CCDC33: variants seen among roughly 807,000 people sequenced by gnomAD.
CCDC33 encodes coiled-coil domain-containing protein 33.
Under a neutral mutation model 91.9 loss-of-function variants are expected in CCDC33, and 94 were observed. That is an observed-to-expected ratio of 1.02 (90% confidence interval 0.87 to 1.21). CCDC33 has a LOEUF of 1.21. Among genes scored for constraint, CCDC33 ranks in the 50% most tolerant of loss-of-function variants. The probability of loss-of-function intolerance (pLI) is 0.00; values close to 1 mark genes in which losing one functional copy is unlikely to be tolerated. For missense variants in CCDC33, 940 were observed against 935.5 expected (o/e 1.00, Z -0.06); for synonymous variants, 396 against 374.5 (o/e 1.06, Z -0.66).
At chr15:74,313,694 A>G (rs543404439) in intron 11 of CCDC33, among the ~76,000 whole-genome samples, 1 of 152,280 alleles carries the variant, frequency 6.6e-6, no homozygotes, top group South Asian at 2.1e-4. Flanking sequence ...CCGGAGGGCT[A>G]TGAATGCTGA....
At chr15:74,220,976 G>A (rs910938489) in intron 2 of CCDC33, among the ~76,000 whole-genome samples, 1 of 152,202 alleles carries the variant, frequency 6.6e-6, no homozygotes, top group African/African-American at 2.4e-5. Flanking sequence ...ACAGCAGCAA[G>A]AGTGGGCTGT....
chr15:74,295,502 C>T (rs537215494), intron 10 of CCDC33, among the ~76,000 whole-genome samples: 1 of 152,210 alleles, frequency 6.6e-6, no homozygotes, highest in Non-Finnish European at 1.5e-5. Context: ...TCCCTGAGGA[C>T]CTCCAGGAAG....
intron 10 of CCDC33, among the ~76,000 whole-genome samples, chr15:74,294,153 C>T (rs898041445): frequency 2.2e-4 from 33 of 152,160 alleles, no homozygotes; most frequent in African/African-American, 7.5e-4. Flanking sequence ...TAACTCTGAG[C>T]GCATCTGTAC....
intron 1 of CCDC33, chr15:74,217,605 G>A: frequency 8.3e-7 from 1 of 1,199,838 alleles, no homozygotes; most frequent in Non-Finnish European, 1.1e-6. Flanking sequence ...GTGGGGTTTG[G>A]GGGAGAGAAA....
At chr15:74,331,712 AC>A (rs1222282189) in intron 15 of CCDC33, among the ~76,000 whole-genome samples, 1 of 152,202 alleles carries the variant, frequency 6.6e-6, no homozygotes, top group Non-Finnish European at 1.5e-5. Context: ...TGCAAAGCAA[AC>A]AAACAAAAAT....
intron 11 of CCDC33, among the ~76,000 whole-genome samples, chr15:74,305,633 C>T (rs1000248532): frequency 6.6e-6 from 1 of 152,222 alleles, no homozygotes; most frequent in Non-Finnish European, 1.5e-5. Flanking sequence ...TCCTCAGACC[C>T]CCAGCTGTCT....
chr15:74,209,064 G>C, intron 1 of CCDC33: 3 of 1,220,818 alleles, frequency 2.5e-6, no homozygotes, highest in Middle Eastern at 3.2e-4. Context: ...CCCTTCTCCA[G>C]TCTGGCTCTG....
chr15:74,330,961 T>C lies in CCDC33; in HGVS notation c.1546-20T>C, dbSNP rs2277606. Reference sequence around the variant, plus strand: ...CCCAGGCACCCATTCTCTCCCCTTCTCTCCTCCCCCATCTCACAGAAGAAT... The same window carrying C: ...CCCAGGCACCCATTCTCTCCCCTTCCCTCCTCCCCCATCTCACAGAAGAAT... On this transcript the variant is annotated intron_variant, in intron 13 of 18. Transcript: ENST00000398814. 1,024,410 of 1,565,536 alleles carry C rather than the reference T, an allele frequency of 0.65. 344,047 individuals carry two copies. Among genetic ancestry groups the C allele is most frequent in the Non-Finnish European group, 0.7 (810,472 of 1,155,186 alleles).
At chr15:74,281,525 T>C (rs1201698658) in intron 9 of CCDC33, among the ~76,000 whole-genome samples, 2 of 152,226 alleles carry the variant, frequency 1.3e-5, no homozygotes, top group Non-Finnish European at 2.9e-5. Flanking sequence ...CCTGACATAA[T>C]AGACCTCAAT....
upstream of CCDC33, among the ~76,000 whole-genome samples, chr15:74,215,871 CACCAAA>C (rs2074429876): frequency 1.1e-5 from 1 of 88,932 alleles, no homozygotes; most frequent in Non-Finnish European, 2.2e-5. Flanking sequence ...AACTCGATCT[CACCAAA>C]AAAAAAAAAA....
At chr15:74,220,649 A>G (rs2074563874) in intron 2 of CCDC33, among the ~76,000 whole-genome samples, 2 of 152,172 alleles carry the variant, frequency 1.3e-5, no homozygotes, top group Non-Finnish European at 2.9e-5. Context: ...CGGCAGCTCT[A>G]ATTTCTGTTA....
chr15:74,229,655 C>T (rs545148366), intron 2 of CCDC33, among the ~76,000 whole-genome samples: 1 of 152,238 alleles, frequency 6.6e-6, no homozygotes, highest in African/African-American at 2.4e-5. Context: ...CCTAGCAAGG[C>T]GAGAAGGCAC....
intron 11 of CCDC33, among the ~76,000 whole-genome samples, chr15:74,307,670 C>T (rs559351861): frequency 3.8e-4 from 58 of 152,132 alleles, no homozygotes; most frequent in Admixed American, 1.1e-3. Flanking sequence ...CAGGCCACCC[C>T]CTGCCGAGTT....
intron 7 of CCDC33, among the ~76,000 whole-genome samples, chr15:74,274,847 AGCAATG>A (rs1432659580): frequency 6.6e-6 from 1 of 152,238 alleles, no homozygotes; most frequent in African/African-American, 2.4e-5. Context: ...GACCCGGTCC[AGCAATG>A]GCAGGACACC....
intron 11 of CCDC33, chr15:74,318,399 T>A: frequency 7.6e-6 from 4 of 526,438 alleles, no homozygotes; most frequent in Non-Finnish European, 1.3e-5. Context: ...TACAATTCTG[T>A]GGCCAAGGAG....
chr15:74,285,654 G>A (rs534221616), intron 10 of CCDC33, among the ~76,000 whole-genome samples: 34 of 151,966 alleles, frequency 2.2e-4, no homozygotes, highest in African/African-American at 8.0e-4. Flanking sequence ...AACAAAGCCT[G>A]CAGACTCAGT....
chr15:74,205,951 A>G (rs2074252563), intron 1 of CCDC33, among the ~76,000 whole-genome samples: 1 of 152,248 alleles, frequency 6.6e-6, no homozygotes, highest in African/African-American at 2.4e-5. Flanking sequence ...GGTAAGGGCC[A>G]GGTTTCTGCA....
At chr15:74,256,836 G>C (rs902350817) in intron 2 of CCDC33, among the ~76,000 whole-genome samples, 3 of 152,240 alleles carry the variant, frequency 2.0e-5, no homozygotes, top group Admixed American at 2.0e-4. Context: ...AAAGCTCTGT[G>C]GGCTGTGGCT....
intron 15 of CCDC33, among the ~76,000 whole-genome samples, chr15:74,332,348 G>A (rs1200539039): frequency 6.6e-6 from 1 of 152,162 alleles, no homozygotes; most frequent in Admixed American, 6.5e-5. Context: ...GGATGAGACT[G>A]AGAAGGCAAC....
Sources: allele counts gnomAD v4.1 joint callset (sites outside exome capture counted in the v4.1 genomes callset), GRCh38; gene constraint gnomAD v4.1.1; transcripts MANE v1.5; gene names NCBI Gene and HGNC (gene_info 2026-07-23, HGNC 2026-07-21).